GRM6: variants seen among roughly 807,000 people sequenced by gnomAD.
GRM6 encodes the protein metabotropic glutamate receptor 6.
Under a neutral mutation model 78.4 loss-of-function variants are expected in GRM6, and 73 were observed. The observed-to-expected ratio is 0.93, with a 90% confidence interval of 0.77 to 1.13. GRM6 has a LOEUF of 1.13. Ranked by LOEUF, GRM6 falls within the 50% of genes most tolerant of loss-of-function variation. The probability of loss-of-function intolerance (pLI) is 0.00; values close to 1 mark genes in which losing one functional copy is unlikely to be tolerated. For missense variants in GRM6, 1,251 were observed against 1,256.4 expected, an observed-to-expected ratio of 1.00 and a Z score of 0.07; for synonymous variants, 580 against 555.0, an observed-to-expected ratio of 1.05 and a Z score of -0.63.
At position 178,986,172 on chromosome 5, in the gene GRM6, G is replaced by A. The variant is rs1262902963; in HGVS notation, c.2082C>T (p.Pro694=). 1.9e-6 allele frequency: 3 copies of A among 1,613,836 alleles called. No homozygotes were observed. The African/African-American group carries it at 4.0e-5, about 22-fold the overall frequency. The part of the protein sequence containing the change: ...RSVTPPPFIS[P]TSQLVITFSL... Reference sequence around the variant, plus strand: ...TGAAGGTGATGACCAGCTGTGAGGTGGGGCTGATGAAGGGAGGGGGTGTGA... The same window carrying A: ...TGAAGGTGATGACCAGCTGTGAGGTAGGGCTGATGAAGGGAGGGGGTGTGA... The change falls in exon 9 of 11, where the codon CCC becomes CCT. Residue 694 remains proline, a synonymous_variant. Coordinates refer to ENST00000517717, the MANE Select transcript of GRM6 (RefSeq NM_000843.4).
Position 178,994,682 on chromosome 5 carries a change from C to A in GRM6, c.263G>T (p.Gly88Val). Reference protein sequence around the residue: ...RVNADPELLPGVRLGARLLDT... With the variant: ...RVNADPELLPVVRLGARLLDT... ...CAGCAGCCGCGCGCCCAGGCGCACG[C>A]CGGGCAGCAGCTCGGGGTCGGCGTT... Residue 88 changes from glycine (G) to valine (V), a missense_variant, in exon 2 of 11, where the codon GGC becomes GTC. By Grantham distance (109) the Gly-to-Val change is moderately radical. Coordinates refer to ENST00000517717, the MANE Select transcript of GRM6 (RefSeq NM_000843.4). The A allele has an allele frequency of 1.4e-6, 2 of 1,469,810 alleles. No individual in the cohort carries two copies. The highest frequency in any genetic ancestry group is 1.8e-6 in the Non-Finnish European group (2 of 1,113,896). 91.0% of individuals were successfully genotyped at this position (1,469,810 alleles called of 1,614,324 possible). A position where few individuals can be genotyped will look rare whatever the true frequency, so the allele number is the denominator to read the frequency against.
chr5:178,989,223 C>CCCCCCCCCCCCCCCCGG, intron 6 of GRM6, 42 bp downstream of exon 6: 1 of 1,134,356 alleles, frequency 8.8e-7, no homozygotes, highest in Non-Finnish European at 1.3e-6. Context: ...CCTCACCACC[C>CCCCCCCCCCCCCCCCGG]TCCCCACCCT....
In GRM6 at chr5:178,989,126, C is replaced by G; in HGVS notation, c.1163G>C (p.Arg388Pro). Residue 388 changes from arginine to proline, a missense_variant, in exon 7 of 11, where the codon CGC (arginine) becomes CCC (proline). Physicochemically the swap from Arg to Pro is moderately radical, Grantham distance 103 (BLOSUM62 -2). Transcript: ENST00000517717. ...CTCGTAGGTGGAGTCCCGGCCGATG[C>G]GTTCCTCGCCTGTCCTAGGGATGCC... ...DSTRKCTGEE[R>P]IGRDSTYEQE... The G allele has an allele frequency of 6.2e-7, 1 of 1,613,886 alleles. No individual in the cohort carries two copies.
In GRM6 at chr5:178,990,632, A is replaced by AGGAGG. The variant is rs1307480838; in HGVS notation, c.971_972insCCTCC (p.Gly325LeufsTer22). The AGGAGG allele has an allele frequency of 1.2e-6, 2 of 1,612,752 alleles. No homozygotes were observed. The highest frequency in any genetic ancestry group is 1.7e-6 in the Non-Finnish European group (2 of 1,179,790). The stretch of plus-strand genomic sequence containing the variant: ...TTTTGGGCAGGATGGTGATGGCCCC[A>AGGAGG]ACGGCCACGTCCTCCAGGCTCAAGA... On this transcript the variant is annotated frameshift_variant, in exon 5 of 11. Transcript: ENST00000517717. LOFTEE classifies it high-confidence loss of function.
At position 178,991,847 on chromosome 5, in the gene GRM6, C is replaced by T. The variant is rs199985322; in HGVS notation, c.721+20G>A. ...CCCACACTATGTAGACTCCTTGGTG[C>T]CTCGGAGCCCCCAGCTCACCAGCCT... On this transcript the variant is annotated intron_variant, in intron 3 of 10. Coordinates refer to ENST00000517717, the MANE Select transcript of GRM6 (RefSeq NM_000843.4). This position sits in a 1 kb window ranked among gnomAD's most constrained non-coding sequence, Gnocchi z 5.0. The T allele has an allele frequency of 2.4e-4, 385 of 1,599,204 alleles. 2 individuals carry two copies. In the African/African-American group the frequency reaches 4.6e-3, roughly 19 times the overall value.
intron 9 of GRM6, 188 bp from the exon 10 acceptor site, chr5:178,983,409 G>A (rs1407573795): frequency 4.2e-6 from 3 of 707,790 alleles, no homozygotes; most frequent in Non-Finnish European, 2.6e-6. Flanking sequence ...GGCAGGGGCA[G>A]CCCAAGAGGG....
chr5:178,990,334 G>T (rs1320799947), intron 5 of GRM6, among the ~76,000 whole-genome samples: 1 of 152,198 alleles, frequency 6.6e-6, no homozygotes, highest in Non-Finnish European at 1.5e-5. Context: ...AGAAATACAG[G>T]CACTAAATTA....
chr5:178,985,666 G>C (rs59347166), intron 9 of GRM6: 7 of 393,096 alleles, frequency 1.8e-5, no homozygotes, highest in Non-Finnish European at 2.9e-5. Context: ...TAGTGCCACT[G>C]CACTCCAGCC....
At chr5:178,984,711 G>T (rs921009970) in intron 9 of GRM6, among the ~76,000 whole-genome samples, 1 of 152,166 alleles carries the variant, frequency 6.6e-6, no homozygotes, top group Non-Finnish European at 1.5e-5. Context: ...CTCAGGCCCT[G>T]TTACGTGGAG....
In GRM6 at chr5:178,988,990, C is replaced by T. The variant is rs1760619169; in HGVS notation, c.1299G>A (p.Met433Ile). The T allele has an allele frequency of 6.2e-7, 1 of 1,613,974 alleles. No individual in the cohort carries two copies. Among genetic ancestry groups the T allele is most frequent in the African/African-American group, 1.3e-5 (1 of 74,934 alleles). ...GAAGCATCCGCCCATCAGTGGGTTCCATCGCCGGGCACAGGCCTGTGTGCC... is the reference window on the plus strand; with the variant it reads ...GAAGCATCCGCCCATCAGTGGGTTCTATCGCCGGGCACAGGCCTGTGTGCC... Reference protein sequence around the residue: ...CPGHTGLCPAMEPTDGRMLLQ... With the variant: ...CPGHTGLCPAIEPTDGRMLLQ... Residue 433 changes from methionine to isoleucine, a missense_variant, in exon 7 of 11, where the codon ATG (methionine) becomes ATA (isoleucine). Transcript: ENST00000517717. This position sits in a 1 kb window ranked among gnomAD's most constrained non-coding sequence, Gnocchi z 6.0.
rs150479026 is a variant in GRM6 at position 178,981,680 on chromosome 5, C to G, written c.2611G>C (p.Glu871Gln). The G allele has an allele frequency of 1.2e-6, 2 of 1,613,956 alleles. No individual in the cohort carries two copies. Among genetic ancestry groups the G allele is most frequent in the Non-Finnish European group, 1.7e-6 (2 of 1,179,848 alleles). ...TSTVAAPPKG[E>Q]DAEAHK Reference sequence around the variant, plus strand: ...TGCTACTTGTGGGCCTCTGCATCCTCGCCCTTGGGTGGGGCTGCCACCGTG... The same window carrying G: ...TGCTACTTGTGGGCCTCTGCATCCTGGCCCTTGGGTGGGGCTGCCACCGTG... The change falls in exon 11 of 11, where the codon GAG (glutamate) becomes CAG (glutamine). Residue 871 changes from glutamate to glutamine, a missense_variant. Transcript: ENST00000517717. The surrounding 1 kb of genome is among the most constrained non-coding windows in gnomAD (Gnocchi z 5.1).
rs753956234 is a variant in GRM6 at position 178,983,189 on chromosome 5, C to G, written c.2157G>C (p.Arg719=). ...VVGMIAWLGA[R]PPHSVIDYEE... is the part of the protein sequence containing the mutation. Reference sequence around the variant, plus strand: ...CATAGTCAATCACGCTGTGTGGGGGCCGGGCCCCCAGCCATGCTATCATCC... The same window carrying G: ...CATAGTCAATCACGCTGTGTGGGGGGCGGGCCCCCAGCCATGCTATCATCC... Residue 719 remains arginine (R), a synonymous_variant, in exon 10 of 11, where the codon CGG becomes CGC. Coordinates refer to ENST00000517717, the MANE Select transcript of GRM6 (RefSeq NM_000843.4). 2 of 1,613,076 alleles carry G rather than the reference C, an allele frequency of 1.2e-6. No individual in the cohort carries two copies. Among genetic ancestry groups the G allele is most frequent in the Admixed American group, 3.3e-5 (2 of 60,024 alleles).
At chr5:178,989,529 A>G in intron 5 of GRM6, 124 bp from the exon 6 acceptor site, 1 of 1,222,000 alleles carries the variant, frequency 8.2e-7, no homozygotes, top group Non-Finnish European at 1.2e-6. Flanking sequence ...TGGCCAGGTG[A>G]ACTAGGCATG....
chr5:178,981,121 C>A lies in GRM6; in HGVS notation c.*536G>T, dbSNP rs1472071438. On this transcript the variant is annotated 3_prime_UTR_variant, in exon 11 of 11. Coordinates refer to ENST00000517717, the MANE Select transcript of GRM6 (RefSeq NM_000843.4). The surrounding 1 kb of genome is among the most constrained non-coding windows in gnomAD (Gnocchi z 5.1). ...CCTTCCCATGCTCACAGGGGTCTCA[C>A]CCAGGGTCTCTCCCTCCGTGCCAGA... 6.1e-6 allele frequency: 1 copy of A among 165,062 alleles called. No individual in the cohort carries two copies. Among genetic ancestry groups the A allele is most frequent in the Non-Finnish European group, 1.3e-5 (1 of 75,794 alleles). The allele number at this position is 165,062 out of a possible 1,614,324, so 10.2% of individuals were successfully genotyped here.
At chr5:178,989,197 C>T in intron 6 of GRM6, 62 bp from the exon 7 acceptor site, 17 of 1,528,212 alleles carry the variant, frequency 1.1e-5, no homozygotes, top group Non-Finnish European at 1.5e-5. Context: ...CGGCCTCCCG[C>T]CTTCCCCCTC....
rs1019459843 is a variant in GRM6 at position 178,980,185 on chromosome 5, G to T, written c.*1472C>A. The T allele has an allele frequency of 1.3e-5, 2 of 154,366 alleles. No individual in the cohort carries two copies. Among genetic ancestry groups the T allele is most frequent in the Non-Finnish European group, 2.9e-5 (2 of 68,222 alleles). 9.6% of individuals were successfully genotyped at this position (154,366 alleles called of 1,614,324 possible). On this transcript the variant is annotated 3_prime_UTR_variant, in exon 11 of 11. Coordinates refer to ENST00000517717, the MANE Select transcript of GRM6 (RefSeq NM_000843.4). The surrounding 1 kb of genome is among the most constrained non-coding windows in gnomAD (Gnocchi z 4.3). The stretch of plus-strand genomic sequence containing the variant: ...AAGTTTGTATGTTGGATAAAGTGTG[G>T]TTCACCCTCAAAACTAGCTCCAGAC...
intron 5 of GRM6, 102 bp from the exon 6 acceptor site, chr5:178,989,507 G>A: frequency 1.4e-6 from 2 of 1,467,676 alleles, no homozygotes; most frequent in Non-Finnish European, 1.9e-6. Context: ...GAGTGGCCAG[G>A]TGAGCTAGGA....
chr5:178,989,112 A>G lies in GRM6; in HGVS notation c.1177T>C (p.Ser393Pro), dbSNP rs1760622671. ...CTGEERIGRD[S>P]TYEQEGKVQF... ...ACCTTGCCCTCCTGCTCGTAGGTGGAGTCCCGGCCGATGCGTTCCTCGCCT... is the reference window on the plus strand; with the variant it reads ...ACCTTGCCCTCCTGCTCGTAGGTGGGGTCCCGGCCGATGCGTTCCTCGCCT... Residue 393 changes from serine (S) to proline (P), a missense_variant, in exon 7 of 11, where the codon TCC becomes CCC. By Grantham distance (74) the Ser-to-Pro change is moderately conservative. Transcript: ENST00000517717. 6.2e-7 allele frequency: 1 copy of G among 1,614,040 alleles called. No homozygotes were observed. Among genetic ancestry groups the G allele is most frequent in the Non-Finnish European group, 8.5e-7 (1 of 1,179,980 alleles).
In GRM6 at chr5:178,986,583, G is replaced by T; in HGVS notation, c.1671C>A (p.Ala557=). The T allele has an allele frequency of 6.2e-7, 1 of 1,606,582 alleles. No homozygotes were observed. Residue 557 remains alanine (A), a synonymous_variant, in exon 9 of 11, where the codon GCC becomes GCA. Coordinates refer to ENST00000517717, the MANE Select transcript of GRM6 (RefSeq NM_000843.4). ...GCGTGGGCCTCATGTCCCCAGGACA[G>T]GCCTCGCATGTGAACTCGTCCACCT... ...RFQVDEFTCE[A]CPGDMRPTPN...
Sources: allele counts gnomAD v4.1 joint callset (sites outside exome capture counted in the v4.1 genomes callset), GRCh38; gene constraint gnomAD v4.1.1; non-coding constraint Gnocchi (gnomAD v3.1); transcripts MANE v1.5; gene names NCBI Gene and HGNC (gene_info 2026-07-23, HGNC 2026-07-21).